The following ANXA8 variants were observed in gnomAD, a reference collection of about 807,000 sequenced individuals.
The protein encoded by ANXA8 is VAC-beta.
In ANXA8, 9 loss-of-function variants were observed where a neutral mutation model predicts 26.8. That is an observed-to-expected ratio of 0.34 (90% CI 0.20 to 0.59). ANXA8 has a LOEUF of 0.59. Ranked by LOEUF, ANXA8 falls within the 20% of genes least tolerant of loss-of-function variation. The probability of loss-of-function intolerance (pLI) is 0.84; values close to 1 mark genes in which losing one functional copy is unlikely to be tolerated. For missense variants in ANXA8, 83 were observed against 238.5 expected (o/e 0.35, Z 4.29); for synonymous variants, 39 against 94.8 (o/e 0.41, Z 3.42).
the ANXA8 span, among the ~76,000 whole-genome samples, chr10:47,716,391 G>A: frequency 9.4e-6 from 1 of 106,698 alleles, no homozygotes; most frequent in Admixed American, 9.6e-5. Context: ...ATGACAAGTG[G>A]GAGCAGAAAT....
the ANXA8 span, among the ~76,000 whole-genome samples, chr10:47,644,477 A>T: frequency 6.6e-6 from 1 of 152,038 alleles, no homozygotes; most frequent in Non-Finnish European, 1.5e-5. Context: ...GCTGCAATAA[A>T]ATTTAATTTA....
the ANXA8 span, among the ~76,000 whole-genome samples, chr10:47,755,348 C>G: frequency 6.6e-6 from 1 of 152,162 alleles, no homozygotes; most frequent in Admixed American, 6.5e-5. Flanking sequence ...CTCCGCCTCC[C>G]AGGCTCATGC....
the ANXA8 span, among the ~76,000 whole-genome samples, chr10:47,896,999 C>T: frequency 1.7e-4 from 24 of 140,132 alleles, no homozygotes; most frequent in South Asian, 4.7e-3. Context: ...GGCGCGATCT[C>T]GGCTCACTGC....
chr10:47,588,895 A>G, the ANXA8 span: 1 of 137,640 alleles, frequency 7.3e-6, no homozygotes, highest in Non-Finnish European at 1.5e-5. Context: ...GCTCACTGCA[A>G]CCTCTGCCTC....
chr10:47,918,415 AAG>A, the ANXA8 span, among the ~76,000 whole-genome samples: 6 of 32,010 alleles, frequency 1.9e-4, no homozygotes, highest in African/African-American at 1.1e-3. Context: ...GAAAGAAAGA[AAG>A]AAAGAAAGAA....
At chr10:47,645,739 G>A in the ANXA8 span, among the ~76,000 whole-genome samples, 1 of 150,232 alleles carries the variant, frequency 6.7e-6, no homozygotes, top group South Asian at 2.1e-4. Flanking sequence ...ATTTGAATAG[G>A]TAGACTGAGT....
At chr10:47,973,084 GCACA>G in the ANXA8 span, 9 of 111,062 alleles carry the variant, frequency 8.1e-5, no homozygotes, top group African/African-American at 1.8e-4. Flanking sequence ...ATGTGGACGT[GCACA>G]CACACACAAA....
chr10:47,639,513 T>A, the ANXA8 span, among the ~76,000 whole-genome samples: 1 of 152,282 alleles, frequency 6.6e-6, no homozygotes, highest in African/African-American at 2.4e-5. Context: ...AGACGGGGTT[T>A]CACCGTGTTC....
the ANXA8 span, among the ~76,000 whole-genome samples, chr10:47,936,900 T>A: frequency 6.6e-6 from 1 of 151,748 alleles, no homozygotes; most frequent in Non-Finnish European, 1.5e-5. Context: ...GTGTATGGGC[T>A]GCTAAGTACT....
At chr10:47,944,013 G>C in the ANXA8 span, among the ~76,000 whole-genome samples, 1 of 147,732 alleles carries the variant, frequency 6.8e-6, no homozygotes, top group Non-Finnish European at 1.5e-5. Flanking sequence ...ACTCACCATG[G>C]CTCCCCACTT....
the ANXA8 span, among the ~76,000 whole-genome samples, chr10:47,983,015 G>C: frequency 8.4e-6 from 1 of 118,596 alleles, no homozygotes; most frequent in African/African-American, 3.1e-5. Flanking sequence ...TTAGGAAAGC[G>C]CAAATAGAAC....
the ANXA8 span, among the ~76,000 whole-genome samples, chr10:47,707,579 G>A: frequency 0.13 from 17,749 of 138,036 alleles, 512 homozygotes; most frequent in African/African-American, 0.16. Flanking sequence ...TAGAGACCAG[G>A]TTTTGTCATG....
chr10:47,736,537 A>G, the ANXA8 span, among the ~76,000 whole-genome samples: 2 of 143,668 alleles, frequency 1.4e-5, no homozygotes, highest in Admixed American at 7.1e-5. Context: ...ATATATTCCT[A>G]TCAGAAGTTT....
At chr10:47,554,249 G>T in the ANXA8 span, among the ~76,000 whole-genome samples, 1 of 138,418 alleles carries the variant, frequency 7.2e-6, no homozygotes, top group Non-Finnish European at 1.5e-5. Context: ...GAGCCTGGGA[G>T]GCAGAAGTTG....
the ANXA8 span, among the ~76,000 whole-genome samples, chr10:47,559,142 CTTTTTTTTTTT>C: frequency 5.5e-5 from 4 of 73,312 alleles, no homozygotes; most frequent in Admixed American, 1.6e-4. Flanking sequence ...TGGAGTCTTA[CTTTTTTTTTTT>C]TTTTTTTTTT....
the ANXA8 span, among the ~76,000 whole-genome samples, chr10:47,918,401 G>GAAAGAAA: frequency 3.8e-5 from 1 of 26,368 alleles, no homozygotes; most frequent in East Asian, 4.5e-4. Flanking sequence ...AAGAAAGAAA[G>GAAAGAAA]AAAGAAAGAA....
the ANXA8 span, among the ~76,000 whole-genome samples, chr10:47,948,566 A>G: frequency 2.0e-5 from 3 of 146,618 alleles, no homozygotes; most frequent in Non-Finnish European, 4.5e-5. Flanking sequence ...AAATTCAGTC[A>G]AAAGAGACTA....
chr10:47,533,225 C>CACACACA, the ANXA8 span, among the ~76,000 whole-genome samples: 1,968 of 97,634 alleles, frequency 0.02, 81 homozygotes, highest in African/African-American at 0.063. Context: ...ACACACACAC[C>CACACACA]CCCGCAGACA....
chr10:47,564,976 C>T, the ANXA8 span: 1 of 1,155,374 alleles, frequency 8.7e-7, no homozygotes, highest in Non-Finnish European at 1.3e-6. Flanking sequence ...AGCTGTCCAG[C>T]TGCCAAGTCA....
Sources: gnomAD v4.1 joint callset for allele counts (sites outside exome capture counted in the v4.1 genomes callset) on GRCh38, gnomAD v4.1.1 for gene constraint, MANE v1.5 for transcripts, NCBI Gene and HGNC (gene_info 2026-07-23, HGNC 2026-07-21) for gene names.